CEPT1: variants seen among roughly 807,000 people sequenced by gnomAD.
The protein encoded by CEPT1 is choline/ethanolaminephosphotransferase 1.
A neutral mutation model predicts 42.6 loss-of-function variants in CEPT1; 7 were observed. The ratio of observed to expected loss-of-function variants is 0.16; its 90% confidence interval spans 0.09 to 0.31. CEPT1 has a LOEUF of 0.31. CEPT1 is among the 10% of genes least tolerant of loss of function. The probability of loss-of-function intolerance (pLI) is 1.00; values close to 1 mark genes in which losing one functional copy is unlikely to be tolerated. For missense variants in CEPT1, 306 were observed against 502.1 expected (o/e 0.61, Z 3.73); for synonymous variants, 171 against 171.9 (o/e 0.99, Z 0.04).
chr1:111,143,628 CT>C (rs1654788301), intron 1 of CEPT1: 1 of 149,704 alleles, frequency 6.7e-6, no homozygotes, highest in African/African-American at 2.5e-5. Context: ...TTTTTTTTTT[CT>C]TTTTGTTACT....
intron 4 of CEPT1, among the ~76,000 whole-genome samples, chr1:111,168,704 G>A (rs186010075): frequency 4.2e-4 from 64 of 152,138 alleles, no homozygotes; most frequent in African/African-American, 1.4e-3. Flanking sequence ...TAGCCAGGAT[G>A]GTCTCGATCT....
At chr1:111,163,446 A>G (rs1655974726) in intron 4 of CEPT1, among the ~76,000 whole-genome samples, 1 of 152,176 alleles carries the variant, frequency 6.6e-6, no homozygotes, top group South Asian at 2.1e-4. Flanking sequence ...CCTGAGCAAT[A>G]TAGACCTGGT....
upstream of CEPT1, chr1:111,140,126 A>C (rs554815518): frequency 4.2e-5 from 6 of 143,026 alleles, no homozygotes; most frequent in African/African-American, 1.5e-4. Context: ...GCTCCCGAGC[A>C]GACCGGCCGG....
chr1:111,160,164 G>A (rs1204945610), intron 3 of CEPT1: 1 of 152,116 alleles, frequency 6.6e-6, no homozygotes, highest in Non-Finnish European at 1.5e-5. Flanking sequence ...CAATAACTGA[G>A]TTACTCTGTT....
intron 4 of CEPT1, chr1:111,167,871 T>C: frequency 1.6e-6 from 1 of 637,828 alleles, no homozygotes; most frequent in Non-Finnish European, 1.9e-6. Context: ...AATGTACTGC[T>C]AAAAGTAATG....
chr1:111,163,443 A>G (rs1322831497), intron 4 of CEPT1, among the ~76,000 whole-genome samples: 1 of 152,152 alleles, frequency 6.6e-6, no homozygotes, highest in Non-Finnish European at 1.5e-5. Flanking sequence ...CAGCCTGAGC[A>G]ATATAGACCT....
intron 1 of CEPT1, among the ~76,000 whole-genome samples, chr1:111,144,774 C>T (rs1654863376): frequency 6.6e-6 from 1 of 152,194 alleles, no homozygotes; most frequent in Non-Finnish European, 1.5e-5. Context: ...TAAGAGCTAT[C>T]ATTTACCAAA....
intron 1 of CEPT1, among the ~76,000 whole-genome samples, chr1:111,146,480 C>T (rs754648767): frequency 2.0e-5 from 3 of 152,106 alleles, no homozygotes; most frequent in Non-Finnish European, 4.4e-5. Flanking sequence ...CCTCTCATAT[C>T]TAATTCTTAA....
At chr1:111,148,338 GT>G (rs1262417412) in intron 2 of CEPT1, among the ~76,000 whole-genome samples, 2 of 134,846 alleles carry the variant, frequency 1.5e-5, no homozygotes, top group Non-Finnish European at 3.2e-5. Context: ...TTACAAAAAA[GT>G]TTTTCATTTT....
chr1:111,182,464 AT>A, intron 6 of CEPT1, 146 bp downstream of exon 6: 1 of 838,912 alleles, frequency 1.2e-6, no homozygotes, highest in Non-Finnish European at 1.8e-6. Flanking sequence ...CAAAACTTCA[AT>A]TTTATATATA....
intron 5 of CEPT1, chr1:111,180,170 T>C (rs1656900969): frequency 1.3e-5 from 2 of 152,320 alleles, no homozygotes; most frequent in East Asian, 3.9e-4. Flanking sequence ...ATGGTACTCA[T>C]TTAGTACCCT....
Position 111,147,663 on chromosome 1 carries a change from C to T in CEPT1, c.-52C>T. On this transcript the variant is annotated 5_prime_UTR_variant, in exon 2 of 9. Coordinates refer to ENST00000357172, the MANE Select transcript of CEPT1 (RefSeq NM_006090.5). ...TTAGGTAAGCACCAGCCACAAAAAC[C>T]TACAAAAGAAGGGAAATTACTGTCT... 1 of 1,367,866 alleles carries T rather than the reference C, an allele frequency of 7.3e-7. No homozygotes were observed. The highest frequency in any genetic ancestry group is 9.9e-7 in the Non-Finnish European group (1 of 1,007,504). 84.7% of individuals were successfully genotyped at this position (1,367,866 alleles called of 1,614,324 possible). A position where few individuals can be genotyped will look rare whatever the true frequency, so the allele number is the denominator to read the frequency against.
intron 4 of CEPT1, among the ~76,000 whole-genome samples, chr1:111,166,950 A>G (rs976238289): frequency 2.0e-5 from 3 of 152,202 alleles, no homozygotes; most frequent in Admixed American, 2.0e-4. Flanking sequence ...GTATAAGGAT[A>G]GTATAGTACT....
At chr1:111,161,317 A>G (rs768037139) in intron 4 of CEPT1, 21 bp downstream of exon 4, 1 of 1,580,096 alleles carries the variant, frequency 6.3e-7, no homozygotes, top group East Asian at 2.3e-5. Flanking sequence ...CTTAATGGTA[A>G]TTTTTGTTTT....
At chr1:111,158,594 C>G (rs1481085851) in intron 2 of CEPT1, among the ~76,000 whole-genome samples, 1 of 152,086 alleles carries the variant, frequency 6.6e-6, no homozygotes, top group Non-Finnish European at 1.5e-5. Flanking sequence ...CTTGAATATT[C>G]ACAGGATGTA....
At chr1:111,182,757 T>A (rs1657053497) in intron 6 of CEPT1, 42 bp from the exon 7 acceptor site, 2 of 1,538,464 alleles carry the variant, frequency 1.3e-6, no homozygotes, top group Non-Finnish European at 1.8e-6. Context: ...TAGTATCTGA[T>A]GAGTACTGAA....
chr1:111,182,772 A>G (rs1346642066), intron 6 of CEPT1, 27 bp from the exon 7 acceptor site: 3 of 1,593,298 alleles, frequency 1.9e-6, no homozygotes, highest in East Asian at 2.2e-5. Flanking sequence ...ACTGAATACT[A>G]TTAACTCTTC....
chr1:111,176,774 A>G (rs757367429), intron 5 of CEPT1, among the ~76,000 whole-genome samples: 3 of 152,180 alleles, frequency 2.0e-5, no homozygotes, highest in Non-Finnish European at 4.4e-5. Context: ...AATTTTGTGG[A>G]TGAAACAAAG....
rs114684933 is a variant in CEPT1, at chr1:111,149,552, G to A, written c.339+1499G>A. 3.7e-3 allele frequency among the ~76,000 whole-genome samples: 562 copies of A among 152,216 alleles called. 5 individuals are homozygous for A. Among genetic ancestry groups the A allele is most frequent in the African/African-American group, 0.013 (531 of 41,534 alleles). On this transcript the variant is annotated intron_variant, in intron 2 of 8. Transcript: ENST00000357172. ...TGCTGGGATTACAGTGAGCAACTGC[G>A]CCCAGCTCCCCTCCTCTTTTTAACT...
Sources: gnomAD v4.1 joint callset for allele counts (sites outside exome capture counted in the v4.1 genomes callset) on GRCh38, gnomAD v4.1.1 for gene constraint, MANE v1.5 for transcripts, NCBI Gene and HGNC (gene_info 2026-07-23, HGNC 2026-07-21) for gene names.